Variants in NOTCH3 observed in about 807,000 individuals in gnomAD.
The protein encoded by NOTCH3 is neurogenic locus notch homolog protein 3.
In NOTCH3, 86 loss-of-function variants were observed where a neutral mutation model predicts 213.3. The ratio of observed to expected loss-of-function variants is 0.40; its 90% CI spans 0.34 to 0.48. NOTCH3 has a LOEUF of 0.48. Ranked by LOEUF, NOTCH3 falls within the 20% of genes least tolerant of loss-of-function variation. NOTCH3 has a pLI of 0.57. For synonymous variants in NOTCH3, 1,354 were observed against 1,355.9 expected, an observed-to-expected ratio of 1.00 and a Z score of 0.03; for missense variants, 2,783 against 3,272.6, an observed-to-expected ratio of 0.85 and a Z score of 3.65.
rs561350547 is a variant in NOTCH3 at position 15,195,469 on chromosome 19, C to A, written c.197+2031G>T. Among the ~76,000 whole-genome samples the A allele has an allele frequency of 2.6e-3, 375 of 144,412 alleles. 1 individual carries two copies. The highest frequency in any genetic ancestry group is 9.1e-3 in the African/African-American group (363 of 39,794). 94.7% of individuals were successfully genotyped at this position (144,412 alleles called of 152,430 possible). ...GCTGCCAACCCTCACCCCCCTCTATCCCCCCACCCTCCGCCCCTGGCGCGG... is the reference window on the plus strand; with the variant it reads ...GCTGCCAACCCTCACCCCCCTCTATACCCCCACCCTCCGCCCCTGGCGCGG... On this transcript the variant is annotated intron_variant, in intron 2 of 32. Transcript: ENST00000263388.
chr19:15,186,444 G>A lies in NOTCH3; in HGVS notation c.1951+434C>T, dbSNP rs148218439. Reference sequence around the variant, plus strand: ...GTTTGAAATGAAGTCTCACTCTGTCGCCCAGACTGGAGTACAGTGGCACAA... The same window carrying A: ...GTTTGAAATGAAGTCTCACTCTGTCACCCAGACTGGAGTACAGTGGCACAA... On this transcript the variant is annotated intron_variant, in intron 12 of 32. Coordinates refer to ENST00000263388, the MANE Select transcript of NOTCH3 (RefSeq NM_000435.3). 7.3e-5 allele frequency among the ~76,000 whole-genome samples: 11 copies of A among 149,728 alleles called. No individual in the cohort carries two copies. The East Asian group carries it at 1.2e-3, about 16-fold the overall frequency.
At position 15,197,512 on chromosome 19, in the gene NOTCH3, T is replaced by C. The variant is rs1317877838; in HGVS notation, c.185A>G (p.Glu62Gly). Reference sequence around the variant, plus strand: ...GCCAGGCACTCACAGGCAGGCAGCCTCCCGGGAGGGCAGCTGGGTGCAACG... The same window carrying C: ...GCCAGGCACTCACAGGCAGGCAGCCCCCCGGGAGGGCAGCTGGGTGCAACG... ...GGRCTQLPSR[E>G]AACLCPPGWV... is the part of the protein sequence containing the mutation. The change falls in exon 2 of 33, where the codon GAG (glutamate) becomes GGG (glycine). Residue 62 changes from glutamate (E) to glycine (G), a missense_variant. Around this residue, in one of 6 missense-constraint regions of NOTCH3, gnomAD observed 708 missense variants for 906.6 expected, o/e 0.78. Transcript: ENST00000263388. 3 of 1,406,074 alleles carry C rather than the reference T, an allele frequency of 2.1e-6. No individual in the cohort carries two copies. The highest frequency in any genetic ancestry group is 2.0e-5 in the Admixed American group (1 of 49,662). The allele number at this position is 1,406,074 out of a possible 1,614,324, so 87.1% of individuals were successfully genotyped here.
In NOTCH3 at chr19:15,181,577, T is replaced by TG. The variant is rs1364184105; in HGVS notation, c.2790dup (p.Ser931GlnfsTer32). The TG allele has an allele frequency of 2.6e-6, 4 of 1,550,094 alleles. No individual in the cohort carries two copies. Among genetic ancestry groups the TG allele is most frequent in the South Asian group, 1.2e-5 (1 of 84,016 alleles). ...TCTCCAAGCAGAGGCCCCGCCCACC[T>TG]GGGGCTGCAGTCGGGCAGGTCCTGT... On this transcript the variant is annotated frameshift_variant and splice_region_variant, in exon 17 of 33. Transcript: ENST00000263388. LOFTEE classifies it high-confidence loss of function.
In NOTCH3 at chr19:15,188,395, G is replaced by A. The variant is rs1323636577; in HGVS notation, c.1379-47C>T. The A allele has an allele frequency of 2.4e-6, 3 of 1,227,420 alleles. No individual in the cohort carries two copies. In the Admixed American group the frequency reaches 5.8e-5, roughly 24 times the overall value. 76.0% of individuals were successfully genotyped at this position (1,227,420 alleles called of 1,614,324 possible). ...AGGAAAGCGGGGGCTACCCTATGGTGTGAACGGGGTGCAAGGAAGGAGGTA... is the reference window on the plus strand; with the variant it reads ...AGGAAAGCGGGGGCTACCCTATGGTATGAACGGGGTGCAAGGAAGGAGGTA... On this transcript the variant is annotated intron_variant, in intron 8 of 32. Coordinates refer to ENST00000263388, the MANE Select transcript of NOTCH3 (RefSeq NM_000435.3).
intron 28 of NOTCH3, 32 bp downstream of exon 28, chr19:15,170,051 AGAG>A: frequency 7.9e-7 from 1 of 1,271,076 alleles, no homozygotes; most frequent in Non-Finnish European, 1.1e-6. Flanking sequence ...GGGAGGGGTC[AGAG>A]GAGGGGGCAA....
In NOTCH3 at chr19:15,180,101, G is replaced by A. The variant is rs963416165; in HGVS notation, c.3298C>T (p.Arg1100Cys). ...CACATGTAGCCCCCCATATAGCCAC[G>A]GCAGGTCCCCCCATGCTGGCAGGGC... Reference protein sequence around the residue: ...AQPCQHGGTCRGYMGGYMCEC... With the variant: ...AQPCQHGGTCCGYMGGYMCEC... Residue 1100 changes from arginine to cysteine, a missense_variant, in exon 20 of 33, where the codon CGT becomes TGT. By Grantham distance (180) the Arg-to-Cys change is radical. Transcript: ENST00000263388. 14 of 1,611,220 alleles carry A rather than the reference G, an allele frequency of 8.7e-6. No homozygotes were observed. The highest frequency in any genetic ancestry group is 2.7e-5 in the African/African-American group (2 of 74,658).
Position 15,185,593 on chromosome 19 carries a change from G to C in NOTCH3, c.2038C>G (p.Arg680Gly). 1 of 1,613,634 alleles carries C rather than the reference G, an allele frequency of 6.2e-7. No homozygotes were observed. The highest frequency in any genetic ancestry group is 1.1e-5 in the South Asian group (1 of 91,076). The stretch of plus-strand genomic sequence containing the variant: ...AAGGAGCCAGGCGGGCAGAGGCAGC[G>C]GAAGCCATTTTCCCCATCCACACAG... ...GSCVDGENGFRCLCPPGSLPP... is the reference protein window; with the variant it reads ...GSCVDGENGFGCLCPPGSLPP... The change falls in exon 13 of 33, where the codon CGC becomes GGC. Residue 680 changes from arginine (R) to glycine (G), a missense_variant. Around this residue, in one of 6 missense-constraint regions of NOTCH3, gnomAD observed 861 missense variants for 909.1 expected, o/e 0.95. Transcript: ENST00000263388. This position sits in a 1 kb window ranked among gnomAD's most constrained non-coding sequence, Gnocchi z 4.2.
chr19:15,196,181 G>C (rs1022056708), intron 2 of NOTCH3, among the ~76,000 whole-genome samples: 1 of 152,052 alleles, frequency 6.6e-6, no homozygotes, highest in Non-Finnish European at 1.5e-5. Flanking sequence ...TCCGGGCTCC[G>C]GGCGCCGCGC....
rs932099250 is a variant in NOTCH3 at position 15,192,409 on chromosome 19, C to T, written c.308G>A (p.Arg103Gln). The T allele has an allele frequency of 6.8e-6, 11 of 1,612,382 alleles. No individual in the cohort carries two copies. Among genetic ancestry groups the T allele is most frequent in the Admixed American group, 1.7e-5 (1 of 59,988 alleles). The change falls in exon 3 of 33, where the codon CGA (arginine) becomes CAA (glutamine). Residue 103 changes from arginine (R) to glutamine (Q), a missense_variant. Physicochemically the swap from Arg to Gln is conservative, Grantham distance 43. Transcript: ENST00000263388. ...GCCACGGGGGCACCGGCATGAGAAT[C>T]GGGCGGTGCCAGCCACCACTGAACT... ...CQSSVVAGTA[R>Q]FSCRCPRGFR...
rs1199837726 is a variant in NOTCH3, at chr19:15,165,619, T to G, written c.5668-104A>C. ...TCCCCAACCCCCATACCCCAACCCC[T>G]GAAATTGGTGAGGTTCAGGGAGCAG... On this transcript the variant is annotated intron_variant, in intron 30 of 32. Transcript: ENST00000263388. The surrounding 1 kb of genome is among the most constrained non-coding windows in gnomAD (Gnocchi z 4.7). 4 of 779,974 alleles carry G rather than the reference T, an allele frequency of 5.1e-6. No homozygotes were observed. In the Admixed American group the frequency reaches 7.9e-5, roughly 15 times the overall value. The allele number at this position is 779,974 out of a possible 1,614,324, so 48.3% of individuals were successfully genotyped here.
In NOTCH3 at chr19:15,177,830, G is replaced by T; in HGVS notation, c.4098C>A (p.Gly1366=). 1 of 1,223,618 alleles carries T rather than the reference G, an allele frequency of 8.2e-7. No individual in the cohort carries two copies. Among genetic ancestry groups the T allele is most frequent in the Non-Finnish European group, 1.0e-6 (1 of 984,802 alleles). 75.8% of individuals were successfully genotyped at this position (1,223,618 alleles called of 1,614,324 possible). The change falls in exon 24 of 33, where the codon GGC becomes GGA. Residue 1366 remains glycine (G), a synonymous_variant. Coordinates refer to ENST00000263388, the MANE Select transcript of NOTCH3 (RefSeq NM_000435.3). ...APFFRCACAQ[G]WTGPRCEAPA... is the part of the protein sequence containing the mutation. ...GCGCCTCGCAGCGCGGCCCGGTCCA[G>T]CCCTGCGCGCAAGCGCAGCGGAAGA...
rs754353393 is a variant in NOTCH3 at position 15,162,525 on chromosome 19, G to A, written c.5853C>T (p.Asn1951=). 25 of 1,614,008 alleles carry A rather than the reference G, an allele frequency of 1.5e-5. No homozygotes were observed. Among genetic ancestry groups the A allele is most frequent in the Admixed American group, 3.3e-5 (2 of 60,018 alleles). The change falls in exon 32 of 33, where the codon AAC becomes AAT. Residue 1951 remains asparagine (N), a synonymous_variant. Transcript: ENST00000263388. ...TGAGCAGGGCCAAAGTGGCTTCCAC[G>A]TTGTTCACAGCCGCAGCCCAGTGTA... is the stretch of plus-strand genomic sequence containing the variant. The part of the protein sequence containing the change: ...SALHWAAAVN[N]VEATLALLKN...
chr19:15,175,342 G>A (rs932637259), intron 24 of NOTCH3, among the ~76,000 whole-genome samples: 2 of 114,800 alleles, frequency 1.7e-5, no homozygotes, highest in African/African-American at 9.8e-5. Context: ...AGGCCAGCCT[G>A]GCCAAAATGG....
chr19:15,199,865 C>T (rs1230578194), intron 1 of NOTCH3, among the ~76,000 whole-genome samples: 2 of 152,030 alleles, frequency 1.3e-5, no homozygotes, highest in Non-Finnish European at 2.9e-5. Flanking sequence ...GGCCTTGGCC[C>T]GCGCCCCTCC....
chr19:15,170,415 G>A lies in NOTCH3; in HGVS notation c.5030C>T (p.Pro1677Leu). The change falls in exon 27 of 33, where the codon CCT (proline) becomes CTT (leucine). Residue 1677 changes from proline to leucine, a missense_variant. Transcript: ENST00000263388. ...GTCCTTGTGCAGTGAGAAGCCCTCAGGGAACCAGAGGGTGCTGTGCTCGCG... is the reference window on the plus strand; with the variant it reads ...GTCCTTGTGCAGTGAGAAGCCCTCAAGGAACCAGAGGGTGCTGTGCTCGCG... ...RKREHSTLWF[P>L]EGFSLHKDVA... 1 of 1,613,328 alleles carries A rather than the reference G, an allele frequency of 6.2e-7. No homozygotes were observed. The highest frequency in any genetic ancestry group is 8.5e-7 in the Non-Finnish European group (1 of 1,180,012).
intron 2 of NOTCH3, 59 bp downstream of exon 2, chr19:15,197,441 G>GCGGCCCCC: frequency 6.5e-6 from 5 of 768,346 alleles, no homozygotes; most frequent in Non-Finnish European, 1.1e-5. Context: ...AAGACAAATC[G>GCGGCCCCC]CCCCTCCCCC....
chr19:15,193,741 A>AGCCTG (rs1308614446), intron 2 of NOTCH3, among the ~76,000 whole-genome samples: 4 of 136,558 alleles, frequency 2.9e-5, no homozygotes, highest in Non-Finnish European at 4.6e-5. Flanking sequence ...ACTGCACTCC[A>AGCCTG]GCCTGGTTGA....
intron 24 of NOTCH3, 102 bp downstream of exon 24, chr19:15,177,423 C>T (rs989678958): frequency 3.7e-6 from 4 of 1,069,928 alleles, no homozygotes; most frequent in African/African-American, 1.6e-5. Context: ...GAGAAACAGA[C>T]GGGGCAAGTG....
chr19:15,160,932 C>T lies in NOTCH3; in HGVS notation c.6696G>A (p.Lys2232=), dbSNP rs12976268. 2 of 1,600,354 alleles carry T rather than the reference C, an allele frequency of 1.2e-6. No homozygotes were observed. The highest frequency in any genetic ancestry group is 3.4e-5 in the Admixed American group (2 of 58,106). The change falls in exon 33 of 33, where the codon AAG becomes AAA. Residue 2232 remains lysine (K), a synonymous_variant. Coordinates refer to ENST00000263388, the MANE Select transcript of NOTCH3 (RefSeq NM_000435.3). The stretch of plus-strand genomic sequence containing the variant: ...CACTGGGAACCCGCAGGAAGCGGGC[C>T]TTTGGGGGGCTGCTGTGTGCCCCAG... ...PAAGAHSSPP[K]ARFLRVPSEH...
Sources: gnomAD v4.1 joint callset for allele counts (sites outside exome capture counted in the v4.1 genomes callset) on GRCh38, gnomAD v4.1.1 for gene constraint, gnomAD v4.1.1 regional missense constraint, Gnocchi (gnomAD v3.1) non-coding constraint, MANE v1.5 for transcripts, NCBI Gene and HGNC (gene_info 2026-07-23, HGNC 2026-07-21) for gene names.